The following TEAD1 variants were observed in gnomAD, a reference collection of about 807,000 sequenced individuals.
The protein encoded by TEAD1 is transcriptional enhancer factor TEF-1.
Under a neutral mutation model 54.9 loss-of-function variants are expected in TEAD1, and 9 were observed. The ratio of observed to expected loss-of-function variants is 0.16; its 90% CI spans 0.10 to 0.29. TEAD1 has a LOEUF of 0.29. Ranked by LOEUF, TEAD1 falls within the 10% of genes least tolerant of loss-of-function variation. The pLI, the probability that TEAD1 is intolerant of heterozygous loss-of-function variation, is 1.00. For missense variants in TEAD1, 387 were observed against 535.9 expected (o/e 0.72, Z 2.74); for synonymous variants, 200 against 187.8 (o/e 1.07, Z -0.53).
At chr11:12,768,374 G>C (rs973665963) in intron 3 of TEAD1, among the ~76,000 whole-genome samples, 1 of 152,220 alleles carries the variant, frequency 6.6e-6, no homozygotes, top group African/African-American at 2.4e-5. Flanking sequence ...CTAGCATATA[G>C]TGAGAGGTAT....
intron 2 of TEAD1, among the ~76,000 whole-genome samples, chr11:12,689,896 A>T (rs572068954): frequency 0.018 from 2,713 of 149,244 alleles, 76 homozygotes; most frequent in African/African-American, 0.064. Context: ...GACTCTTTTT[A>T]AAAAAAAACA....
chr11:12,859,761 A>G (rs1012387595), intron 3 of TEAD1, among the ~76,000 whole-genome samples: 3 of 152,180 alleles, frequency 2.0e-5, no homozygotes, highest in Non-Finnish European at 1.5e-5. Flanking sequence ...GAGTAGAAAA[A>G]ATGTAAGGTT....
intron 3 of TEAD1, among the ~76,000 whole-genome samples, chr11:12,820,062 G>A (rs935918448): frequency 6.6e-6 from 1 of 151,882 alleles, no homozygotes; most frequent in African/African-American, 2.4e-5. Flanking sequence ...GAAGGTGAAG[G>A]GGAGGTGGTG....
At chr11:12,871,795 AG>A (rs138344138) in intron 5 of TEAD1, among the ~76,000 whole-genome samples, 4,388 of 152,250 alleles carry the variant, frequency 0.029, 226 homozygotes, top group African/African-American at 0.1. Context: ...CTAAGAGGAA[AG>A]GAAGTCTTCG....
At chr11:12,728,361 ATTAG>A (rs1409987523) in intron 2 of TEAD1, among the ~76,000 whole-genome samples, 2 of 152,152 alleles carry the variant, frequency 1.3e-5, no homozygotes, top group African/African-American at 4.8e-5. Flanking sequence ...GCACCTGTAT[ATTAG>A]TTACACTTTT....
chr11:12,857,002 G>A (rs977771460), intron 3 of TEAD1, among the ~76,000 whole-genome samples: 1 of 152,160 alleles, frequency 6.6e-6, no homozygotes, highest in Non-Finnish European at 1.5e-5. Context: ...TGACCTTGAG[G>A]CCACATCACA....
chr11:12,800,219 T>G (rs1200957604), intron 3 of TEAD1, among the ~76,000 whole-genome samples: 1 of 152,152 alleles, frequency 6.6e-6, no homozygotes. Flanking sequence ...AGAGCTAGTC[T>G]CCTCTAGGAA....
At chr11:12,843,114 T>C (rs999104311) in intron 3 of TEAD1, among the ~76,000 whole-genome samples, 5 of 152,200 alleles carry the variant, frequency 3.3e-5, no homozygotes, top group African/African-American at 4.8e-5. Context: ...AAGTCATCCA[T>C]CATGCCTGGC....
At chr11:12,850,838 T>C (rs542795985) in intron 3 of TEAD1, among the ~76,000 whole-genome samples, 1 of 152,302 alleles carries the variant, frequency 6.6e-6, no homozygotes, top group East Asian at 1.9e-4. Context: ...TTAGCTTTTT[T>C]TGGACCAGGT....
rs2134183530 is a variant in TEAD1, at chr11:12,943,289, T to C, written c.*6067T>C. On this transcript the variant is annotated 3_prime_UTR_variant, in exon 13 of 13. Transcript: ENST00000527636. ...CTTCCCTGCCAGCACTATACCACAG[T>C]GTGGAAGAAATTAGTCAAATGCTTG... The C allele has an allele frequency of 1.3e-5, 2 of 152,768 alleles. No homozygotes were observed. The highest frequency in any genetic ancestry group is 3.4e-3 in the Middle Eastern group (1 of 294). 9.5% of individuals were successfully genotyped at this position (152,768 alleles called of 1,614,324 possible).
At chr11:12,893,454 T>C (rs951230722) in intron 9 of TEAD1, among the ~76,000 whole-genome samples, 1 of 152,204 alleles carries the variant, frequency 6.6e-6, no homozygotes, top group Non-Finnish European at 1.5e-5. Context: ...CCACTTCCCC[T>C]GTTTCTTCAT....
intron 3 of TEAD1, among the ~76,000 whole-genome samples, chr11:12,814,775 C>CTGTG (rs1491548230): frequency 7.7e-5 from 11 of 142,128 alleles, no homozygotes; most frequent in Admixed American, 5.0e-4. Flanking sequence ...CATCGCAGAG[C>CTGTG]TCTGTGTGTG....
At chr11:12,896,748 G>C (rs1948321741) in intron 9 of TEAD1, among the ~76,000 whole-genome samples, 1 of 152,166 alleles carries the variant, frequency 6.6e-6, no homozygotes, top group African/African-American at 2.4e-5. Context: ...ATTTATTTGG[G>C]AAAGATAGAA....
chr11:12,919,330 G>A lies in TEAD1; in HGVS notation c.874-5582G>A, dbSNP rs117940524. Among the ~76,000 whole-genome samples the A allele has an allele frequency of 3.8e-4, 58 of 152,228 alleles. No individual in the cohort carries two copies. In the East Asian group the frequency reaches 8.3e-3, roughly 22 times the overall value. On this transcript the variant is annotated intron_variant, in intron 10 of 12. Coordinates refer to ENST00000527636, the MANE Select transcript of TEAD1 (RefSeq NM_021961.6). ...GGTGAGGTGGTAGGAATGGTCTGCC[G>A]CAGCTGCAAGCAGTAAGGACTTTGC...
chr11:12,882,932 T>C, intron 8 of TEAD1, 69 bp from the exon 9 acceptor site: 1 of 1,613,098 alleles, frequency 6.2e-7, no homozygotes, highest in East Asian at 2.2e-5. Context: ...TAGAGCCCTG[T>C]TCCAGTATTT....
Position 12,812,164 on chromosome 11 carries a change from G to A in TEAD1, c.202+47730G>A, listed in dbSNP as rs146413423. The stretch of plus-strand genomic sequence containing the variant: ...ATGATATACATGGGCTTTTGAGCTC[G>A]TGGCTTGTGGTTGTGGACTGAGAAA... On this transcript the variant is annotated intron_variant, in intron 3 of 12. Transcript: ENST00000527636. Among the ~76,000 whole-genome samples the A allele has an allele frequency of 7.2e-4, 110 of 152,206 alleles. 1 individual carries two copies. The highest frequency in any genetic ancestry group is 2.4e-3 in the African/African-American group (98 of 41,522).
intron 5 of TEAD1, among the ~76,000 whole-genome samples, chr11:12,877,671 A>G (rs1455614535): frequency 6.6e-6 from 1 of 151,118 alleles, no homozygotes; most frequent in Non-Finnish European, 1.5e-5. Flanking sequence ...AAAAAAAAAA[A>G]GAAGAAATTA....
chr11:12,745,286 T>C (rs1944724454), intron 2 of TEAD1, among the ~76,000 whole-genome samples: 1 of 152,240 alleles, frequency 6.6e-6, no homozygotes. Context: ...GCATGAACTG[T>C]GTCAATTCTG....
chr11:12,733,103 T>C (rs1046524135), intron 2 of TEAD1, among the ~76,000 whole-genome samples: 2 of 152,150 alleles, frequency 1.3e-5, no homozygotes, highest in African/African-American at 4.8e-5. Flanking sequence ...CATCAGCCCT[T>C]TGGAGTCTCA....
Sources: allele counts gnomAD v4.1 joint callset (sites outside exome capture counted in the v4.1 genomes callset), GRCh38; gene constraint gnomAD v4.1.1; transcripts MANE v1.5; gene names NCBI Gene and HGNC (gene_info 2026-07-23, HGNC 2026-07-21).